Variants in MYO6 observed in about 807,000 individuals in gnomAD.
MYO6 encodes unconventional myosin-VI.
Under a neutral mutation model 178.7 loss-of-function variants are expected in MYO6, and 74 were observed. The ratio of observed to expected loss-of-function variants is 0.41; its 90% CI spans 0.34 to 0.50. The LOEUF is 0.50. Among genes scored for constraint, MYO6 ranks in the 20% least tolerant of loss-of-function variants. The pLI, the probability that MYO6 is intolerant of heterozygous loss-of-function variation, is 0.09. For synonymous variants in MYO6, 477 were observed against 504.6 expected (o/e 0.95, Z 0.73); for missense variants, 1,330 against 1,547.4 (o/e 0.86, Z 2.36).
rs151096247 is a variant in MYO6 at position 75,896,530 on chromosome 6, G to A, written c.3137+1270G>A. Among the ~76,000 whole-genome samples the A allele has an allele frequency of 5.3e-3, 802 of 152,300 alleles. 8 individuals carry two copies. The highest frequency in any genetic ancestry group is 0.01 in the Middle Eastern group (3 of 294). The stretch of plus-strand genomic sequence containing the variant: ...ATTCTCTCAATTACACAGTATTTGC[G>A]TAAGCCCTAGACAAATTCTGTGAAT... On this transcript the variant is annotated intron_variant, in intron 29 of 34. Coordinates refer to ENST00000369977, the MANE Select transcript of MYO6 (RefSeq NM_004999.4).
intron 28 of MYO6, among the ~76,000 whole-genome samples, chr6:75,893,600 T>C (rs1275583959): frequency 1.3e-5 from 2 of 152,218 alleles, no homozygotes; most frequent in African/African-American, 2.4e-5. Flanking sequence ...AAGGGCATAT[T>C]GAGTTGCCTT....
rs1250158418 is a variant in MYO6 at position 75,866,611 on chromosome 6, G to A, written c.1760G>A (p.Cys587Tyr). ...FIIRHFAGAV[C>Y]YETTQFVEKN... is the part of the protein sequence containing the mutation. ...ATCAGGCATTTTGCGGGGGCAGTGT[G>A]CTATGAAACAGTGAGTATAACTTTT... The change falls in exon 17 of 35, where the codon TGC becomes TAC. Residue 587 changes from cysteine to tyrosine, a missense_variant. Around this residue, in one of 3 missense-constraint regions of MYO6, gnomAD observed 613 missense variants for 816.8 expected, o/e 0.75. Transcript: ENST00000369977. 1 of 1,613,360 alleles carries A rather than the reference G, an allele frequency of 6.2e-7. No homozygotes were observed. The highest frequency in any genetic ancestry group is 8.5e-7 in the Non-Finnish European group (1 of 1,179,288).
At chr6:75,821,674 TA>T (rs2150181672) in intron 2 of MYO6, among the ~76,000 whole-genome samples, 1 of 152,268 alleles carries the variant, frequency 6.6e-6, no homozygotes, top group South Asian at 2.1e-4. Flanking sequence ...AATATTATTT[TA>T]AAATAATTGA....
rs115920496 is a variant in MYO6, at chr6:75,856,459, T to C, written c.1224-638T>C. Among the ~76,000 whole-genome samples, 539 of 152,188 alleles carry C rather than the reference T, an allele frequency of 3.5e-3. 3 individuals are homozygous for C. Among genetic ancestry groups the C allele is most frequent in the African/African-American group, 0.012 (515 of 41,536 alleles). On this transcript the variant is annotated intron_variant, in intron 12 of 34. Transcript: ENST00000369977. Reference sequence around the variant, plus strand: ...ATGTCAGGCTGATCTGAATGACTTATAATTCTACTTCCAAATTTGACTTTC... The same window carrying C: ...ATGTCAGGCTGATCTGAATGACTTACAATTCTACTTCCAAATTTGACTTTC...
In MYO6 at chr6:75,904,777, G is replaced by A. The variant is rs566447428; in HGVS notation, c.3177-2828G>A. 1.1e-3 allele frequency among the ~76,000 whole-genome samples: 173 copies of A among 152,366 alleles called. 1 individual carries two copies. Among genetic ancestry groups the A allele is most frequent in the African/African-American group, 3.9e-3 (161 of 41,594 alleles). On this transcript the variant is annotated intron_variant, in intron 30 of 34. Coordinates refer to ENST00000369977, the MANE Select transcript of MYO6 (RefSeq NM_004999.4). ...TTTGTTCCGTGGCTGGTGAGGAACT[G>A]TGTTCCTTTGGAGGAGGAGAGGCGC...
At chr6:75,776,383 G>T (rs1482020306) in intron 1 of MYO6, among the ~76,000 whole-genome samples, 2 of 152,108 alleles carry the variant, frequency 1.3e-5, no homozygotes, top group Non-Finnish European at 2.9e-5. Context: ...TTTTAAAAAA[G>T]AATATTAGCA....
At chr6:75,832,191 A>G (rs73462835) in intron 5 of MYO6, among the ~76,000 whole-genome samples, 6 of 152,332 alleles carry the variant, frequency 3.9e-5, no homozygotes, top group African/African-American at 1.4e-4. Flanking sequence ...AGATAGTTAA[A>G]AAATATATAT....
chr6:75,911,078 G>A (rs2149425228), intron 32 of MYO6, among the ~76,000 whole-genome samples: 1 of 151,930 alleles, frequency 6.6e-6, no homozygotes, highest in South Asian at 2.1e-4. Flanking sequence ...TACTGCAGAG[G>A]GAGATTTTTT....
intron 1 of MYO6, among the ~76,000 whole-genome samples, chr6:75,780,987 A>G (rs918856224): frequency 1.3e-5 from 2 of 151,694 alleles, no homozygotes; most frequent in Non-Finnish European, 2.9e-5. Flanking sequence ...TAATTTTTGT[A>G]TTTTTAGTAG....
intron 1 of MYO6, among the ~76,000 whole-genome samples, chr6:75,757,377 A>G (rs926951337): frequency 2.0e-5 from 3 of 149,288 alleles, no homozygotes; most frequent in Non-Finnish European, 4.5e-5. Context: ...GTGTGTGTAT[A>G]TATATGTATA....
intron 1 of MYO6, among the ~76,000 whole-genome samples, chr6:75,806,210 C>T (rs764457188): frequency 2.6e-5 from 4 of 151,856 alleles, no homozygotes; most frequent in Non-Finnish European, 5.9e-5. Context: ...CATGGCAAAA[C>T]CTCTTCTCTA....
chr6:75,875,937 AG>A (rs1354604936), intron 20 of MYO6, among the ~76,000 whole-genome samples: 1 of 152,158 alleles, frequency 6.6e-6, no homozygotes, highest in Non-Finnish European at 1.5e-5. Context: ...TAGGGTGAAG[AG>A]GTCCCATAGA....
At chr6:75,822,346 C>A (rs994142195) in intron 2 of MYO6, among the ~76,000 whole-genome samples, 3 of 152,140 alleles carry the variant, frequency 2.0e-5, no homozygotes, top group Admixed American at 6.6e-5. Context: ...GATCCACCCG[C>A]CTCGGCCTCC....
chr6:75,864,591 A>T (rs1417707788), intron 16 of MYO6, among the ~76,000 whole-genome samples: 1 of 152,148 alleles, frequency 6.6e-6, no homozygotes, highest in Admixed American at 6.5e-5. Context: ...AGGAGTTGGC[A>T]CCTAGAGTCA....
rs1464818073 is a variant in MYO6, at chr6:75,867,252, TATC to T, written c.1944+150_1944+152del. On this transcript the variant is annotated intron_variant, in intron 18 of 34. Transcript: ENST00000369977. Reference sequence around the variant, plus strand: ...GCATTGTTGATATTTGTATGTAAAATATCATAATGTAGGCCTAGTAATTGAACA... The same window carrying T: ...GCATTGTTGATATTTGTATGTAAAATATAATGTAGGCCTAGTAATTGAACA... 3 of 654,980 alleles carry T rather than the reference TATC, an allele frequency of 4.6e-6. No individual in the cohort carries two copies. The African/African-American group carries it at 5.5e-5, about 12-fold the overall frequency. The allele number at this position is 654,980 out of a possible 1,614,324, so 40.6% of individuals were successfully genotyped here.
rs75371739 is a variant in MYO6, at chr6:75,908,478, G to A, written c.3281-18G>A. The A allele has an allele frequency of 2.6e-6, 4 of 1,552,028 alleles. No homozygotes were observed. The East Asian group carries it at 6.9e-5, about 27-fold the overall frequency. On this transcript the variant is annotated intron_variant, in intron 31 of 34. Transcript: ENST00000369977. ...ATTAACATGTCAATTTTTTTTTTTTGCTCAATGTAATCAATAGATATTGAG... is the reference window on the plus strand; with the variant it reads ...ATTAACATGTCAATTTTTTTTTTTTACTCAATGTAATCAATAGATATTGAG...
intron 10 of MYO6, among the ~76,000 whole-genome samples, chr6:75,846,135 C>T (rs978517147): frequency 6.6e-6 from 1 of 151,484 alleles, no homozygotes; most frequent in Non-Finnish European, 1.5e-5. Context: ...TTATTTTTAA[C>T]ACATTAAGTT....
At chr6:75,821,968 TTC>T (rs1262623005) in intron 2 of MYO6, among the ~76,000 whole-genome samples, 1 of 152,200 alleles carries the variant, frequency 6.6e-6, no homozygotes. Context: ...TTTTTTATAT[TTC>T]TGACAGATTT....
intron 1 of MYO6, among the ~76,000 whole-genome samples, chr6:75,778,828 A>T (rs1562144403): frequency 1.3e-5 from 2 of 151,872 alleles, no homozygotes; most frequent in Non-Finnish European, 2.9e-5. Context: ...AGGCTGAGAC[A>T]GGAGGATCCT....
Sources: allele counts gnomAD v4.1 joint callset (sites outside exome capture counted in the v4.1 genomes callset), GRCh38; gene constraint gnomAD v4.1.1; regional missense constraint gnomAD v4.1.1; transcripts MANE v1.5; gene names NCBI Gene and HGNC (gene_info 2026-07-23, HGNC 2026-07-21).